ANKS1B: variants seen among roughly 807,000 people sequenced by gnomAD.
ANKS1B encodes ankyrin repeat and sterile alpha motif domain containing 1B.
Under a neutral mutation model 148.3 loss-of-function variants are expected in ANKS1B, and 36 were observed. That is an observed-to-expected ratio of 0.24 (90% confidence interval 0.19 to 0.32). The LOEUF (loss-of-function observed/expected upper bound fraction) is 0.32. ANKS1B is among the 10% of genes least tolerant of loss of function. The pLI is 1.00. For missense variants in ANKS1B, 1,157 were observed against 1,542.6 expected, an observed-to-expected ratio of 0.75 and a Z score of 4.19; for synonymous variants, 542 against 560.8, an observed-to-expected ratio of 0.97 and a Z score of 0.47.
intron 14 of ANKS1B, among the ~76,000 whole-genome samples, chr12:99,183,934 T>C (rs1264316919): frequency 2.0e-5 from 3 of 152,184 alleles, no homozygotes; most frequent in African/African-American, 7.2e-5. Context: ...TTAATGACAA[T>C]ATGCAATGAA....
chr12:99,648,782 G>T (rs1486055333), intron 9 of ANKS1B: 5 of 1,609,724 alleles, frequency 3.1e-6, no homozygotes, highest in African/African-American at 2.7e-5. Flanking sequence ...GTGCAGAGGA[G>T]CCCAGTGGTG....
intron 12 of ANKS1B, among the ~76,000 whole-genome samples, chr12:99,294,866 T>TGGTCTCAATCTCC (rs1294456265): frequency 6.6e-6 from 1 of 152,198 alleles, no homozygotes; most frequent in Non-Finnish European, 1.5e-5. Flanking sequence ...TTGGTCAGGC[T>TGGTCTCAATCTCC]GGTCTCAATC....
chr12:99,879,955 T>C (rs1336265945), intron 1 of ANKS1B, among the ~76,000 whole-genome samples: 1 of 152,206 alleles, frequency 6.6e-6, no homozygotes, highest in Non-Finnish European at 1.5e-5. Flanking sequence ...ATCCCCATTC[T>C]GGTAATATGA....
At chr12:99,979,113 T>C (rs2095662344) in intron 1 of ANKS1B, among the ~76,000 whole-genome samples, 2 of 151,964 alleles carry the variant, frequency 1.3e-5, no homozygotes, top group South Asian at 2.1e-4. Context: ...ATAAAAGATA[T>C]GTTAAATAAA....
At chr12:98,917,837 C>T (rs1367098643) in intron 17 of ANKS1B, among the ~76,000 whole-genome samples, 2 of 152,202 alleles carry the variant, frequency 1.3e-5, no homozygotes, top group Admixed American at 1.3e-4. Context: ...TCATGCCAGG[C>T]ATCACACAAG....
intron 16 of ANKS1B, among the ~76,000 whole-genome samples, chr12:99,076,261 G>A (rs2047841827): frequency 6.6e-6 from 1 of 152,174 alleles, no homozygotes; most frequent in Non-Finnish European, 1.5e-5. Context: ...ATATGAAGGT[G>A]ATAGCAGAAG....
intron 8 of ANKS1B, among the ~76,000 whole-genome samples, chr12:99,698,663 C>T (rs2054302836): frequency 1.3e-5 from 2 of 152,146 alleles, no homozygotes; most frequent in East Asian, 3.8e-4. Flanking sequence ...TATATTTAAG[C>T]CTCGGGTTTA....
intron 17 of ANKS1B, among the ~76,000 whole-genome samples, chr12:98,986,641 G>C (rs2099923563): frequency 6.6e-6 from 1 of 151,950 alleles, no homozygotes; most frequent in South Asian, 2.1e-4. Context: ...TGGAGACAGG[G>C]TCTTGCTCTG....
chr12:99,572,609 T>C (rs1376067902), intron 9 of ANKS1B, among the ~76,000 whole-genome samples: 1 of 152,112 alleles, frequency 6.6e-6, no homozygotes, highest in African/African-American at 2.4e-5. Flanking sequence ...GCATTTTAGG[T>C]ACTTGTGGGC....
At chr12:99,761,090 A>C (rs1167831374) in intron 8 of ANKS1B, among the ~76,000 whole-genome samples, 1 of 136,606 alleles carries the variant, frequency 7.3e-6, no homozygotes, top group Non-Finnish European at 1.6e-5. Context: ...AAAACCCTGG[A>C]CCAGAAGGAT....
At chr12:99,626,512 G>C (rs986306711) in intron 9 of ANKS1B, among the ~76,000 whole-genome samples, 1 of 152,020 alleles carries the variant, frequency 6.6e-6, no homozygotes, top group Admixed American at 6.6e-5. Context: ...CCATCTATCA[G>C]AGCATTTCCC....
intron 16 of ANKS1B, among the ~76,000 whole-genome samples, chr12:99,056,265 T>C (rs1304080331): frequency 6.6e-6 from 1 of 152,230 alleles, no homozygotes; most frequent in Non-Finnish European, 1.5e-5. Context: ...AGGTTCTGCA[T>C]ACCTGAAGAG....
intron 25 of ANKS1B, among the ~76,000 whole-genome samples, chr12:98,753,587 C>T (rs1203455479): frequency 1.3e-5 from 2 of 152,076 alleles, no homozygotes; most frequent in Admixed American, 1.3e-4. Flanking sequence ...ACCACCATGC[C>T]CAGCTAATTT....
chr12:98,973,705 A>T (rs1384978522), intron 17 of ANKS1B, among the ~76,000 whole-genome samples: 1 of 152,152 alleles, frequency 6.6e-6, no homozygotes, highest in Non-Finnish European at 1.5e-5. Flanking sequence ...CTTGTGTCTA[A>T]GTAACCTGTG....
At chr12:99,010,760 AT>A (rs970348105) in intron 17 of ANKS1B, among the ~76,000 whole-genome samples, 218 of 132,710 alleles carry the variant, frequency 1.6e-3, no homozygotes, top group African/African-American at 5.6e-3. Flanking sequence ...TATTATTATT[AT>A]TTTTTTTTGA....
At chr12:98,939,491 C>T (rs1270183996) in intron 17 of ANKS1B, among the ~76,000 whole-genome samples, 1 of 152,186 alleles carries the variant, frequency 6.6e-6, no homozygotes, top group East Asian at 1.9e-4. Context: ...ACTTAAGTGC[C>T]ATGTGTTACA....
At chr12:99,798,278 C>G (rs2066486961) in intron 4 of ANKS1B, among the ~76,000 whole-genome samples, 1 of 151,830 alleles carries the variant, frequency 6.6e-6, no homozygotes, top group Admixed American at 6.6e-5. Context: ...CTGTGAGAAG[C>G]AAGACCCACA....
At chr12:99,586,876 A>T (rs1031502542) in intron 9 of ANKS1B, among the ~76,000 whole-genome samples, 1 of 152,044 alleles carries the variant, frequency 6.6e-6, no homozygotes, top group Non-Finnish European at 1.5e-5. Flanking sequence ...CTCAGGAAAA[A>T]CCTGCCCCCA....
chr12:99,803,225 G>T (rs1466646561), intron 4 of ANKS1B, among the ~76,000 whole-genome samples: 3 of 146,792 alleles, frequency 2.0e-5, no homozygotes, highest in Non-Finnish European at 4.5e-5. Flanking sequence ...CACTGAGTCT[G>T]ATGGGAAAAA....
Sources: gnomAD v4.1 joint callset for allele counts (sites outside exome capture counted in the v4.1 genomes callset) on GRCh38, gnomAD v4.1.1 for gene constraint, MANE v1.5 for transcripts, NCBI Gene and HGNC (gene_info 2026-07-23, HGNC 2026-07-21) for gene names.